Variants in CACNA1D observed in about 807,000 individuals in gnomAD.
CACNA1D encodes voltage-dependent L-type calcium channel subunit alpha-1D.
Under a neutral mutation model 257.1 loss-of-function variants are expected in CACNA1D, and 55 were observed. The ratio of observed to expected loss-of-function variants is 0.21; its 90% confidence interval spans 0.17 to 0.27. CACNA1D has a LOEUF of 0.27. Among genes scored for constraint, CACNA1D ranks in the 10% least tolerant of loss-of-function variants. CACNA1D has a pLI of 1.00. For synonymous variants in CACNA1D, 980 were observed against 1,014.9 expected (o/e 0.97, Z 0.65); for missense variants, 1,876 against 2,784.0 (o/e 0.67, Z 7.34).
chr3:53,763,310 A>T (rs1357996156), intron 30 of CACNA1D, among the ~76,000 whole-genome samples: 1 of 152,204 alleles, frequency 6.6e-6, no homozygotes, highest in African/African-American at 2.4e-5. Flanking sequence ...GGCATTGTAG[A>T]TGGAGTGAAC....
chr3:53,592,677 C>G (rs1422105654), intron 3 of CACNA1D, among the ~76,000 whole-genome samples: 3 of 151,206 alleles, frequency 2.0e-5, no homozygotes, highest in Non-Finnish European at 4.4e-5. Context: ...GTGTTCTGAA[C>G]TGTAGCATCC....
chr3:53,782,859 T>A (rs752241183), intron 39 of CACNA1D: 4 of 152,152 alleles, frequency 2.6e-5, no homozygotes, highest in African/African-American at 9.7e-5. Context: ...TTAAAACAAC[T>A]CCTTGGTTTT....
chr3:53,751,030 G>A lies in CACNA1D; in HGVS notation c.3517-719G>A, dbSNP rs560091644. Among the ~76,000 whole-genome samples the A allele has an allele frequency of 2.6e-5, 4 of 150,966 alleles. No individual in the cohort carries two copies. Among genetic ancestry groups the A allele is most frequent in the African/African-American group, 7.4e-5 (3 of 40,386 alleles). Reference sequence around the variant, plus strand: ...ACTGCGTCCAATCAATCCAGCTGTCGCTACAGTGCTCCAGCTGGGCCCCAA... The same window carrying A: ...ACTGCGTCCAATCAATCCAGCTGTCACTACAGTGCTCCAGCTGGGCCCCAA... On this transcript the variant is annotated intron_variant, in intron 27 of 47. Coordinates refer to ENST00000350061, the MANE Select transcript of CACNA1D (RefSeq NM_001128840.3). This position sits in a 1 kb window ranked among gnomAD's most constrained non-coding sequence, Gnocchi z 4.3.
chr3:53,522,114 T>A (rs995915452), intron 3 of CACNA1D, among the ~76,000 whole-genome samples: 3 of 152,086 alleles, frequency 2.0e-5, no homozygotes, highest in African/African-American at 7.2e-5. Flanking sequence ...CTAGCCTGAG[T>A]GACAGAGCGA....
At chr3:53,745,583 A>G in intron 23 of CACNA1D, 41 bp from the exon 24 acceptor site, 1 of 1,393,914 alleles carries the variant, frequency 7.2e-7, no homozygotes, top group Non-Finnish European at 1.0e-6. Context: ...CTCAAGGCCA[A>G]AATCACAAAG....
chr3:53,738,799 A>G (rs2095085077), intron 20 of CACNA1D, among the ~76,000 whole-genome samples: 1 of 152,006 alleles, frequency 6.6e-6, no homozygotes, highest in African/African-American at 2.4e-5. Flanking sequence ...AGTGAGGGAA[A>G]AAAACAGCTT....
At chr3:53,510,426 A>G (rs372513642) in intron 3 of CACNA1D, among the ~76,000 whole-genome samples, 38 of 152,346 alleles carry the variant, frequency 2.5e-4, no homozygotes, top group African/African-American at 8.9e-4. Context: ...AAAATATTCC[A>G]TGTATGAATG....
At chr3:53,755,841 C>T (rs187925839) in intron 29 of CACNA1D, among the ~76,000 whole-genome samples, 188 of 152,188 alleles carry the variant, frequency 1.2e-3, no homozygotes, top group African/African-American at 3.7e-3. Flanking sequence ...GTTCACAAGC[C>T]CAGCCCGAGC....
intron 30 of CACNA1D, among the ~76,000 whole-genome samples, chr3:53,763,372 C>T (rs530327848): frequency 1.1e-4 from 16 of 152,336 alleles, no homozygotes; most frequent in African/African-American, 3.6e-4. Context: ...AATTAAGAAG[C>T]GTGAGAAAGG....
At chr3:53,548,264 ATACCT>A (rs1489874055) in intron 3 of CACNA1D, among the ~76,000 whole-genome samples, 1 of 151,908 alleles carries the variant, frequency 6.6e-6, no homozygotes, top group African/African-American at 2.4e-5. Flanking sequence ...AGAAGAAAAC[ATACCT>A]TGGCTTTGCA....
At chr3:53,709,822 C>G (rs982985848) in intron 9 of CACNA1D, among the ~76,000 whole-genome samples, 1 of 152,198 alleles carries the variant, frequency 6.6e-6, no homozygotes, top group African/African-American at 2.4e-5. Flanking sequence ...ATTACTGTCT[C>G]CACTGTTCAC....
intron 3 of CACNA1D, among the ~76,000 whole-genome samples, chr3:53,550,393 C>A (rs2092506802): frequency 6.6e-6 from 1 of 152,206 alleles, no homozygotes. Flanking sequence ...TCCCTCAGCA[C>A]CATCTCGCAG....
chr3:53,689,157 A>G (rs922498319), intron 8 of CACNA1D, among the ~76,000 whole-genome samples: 1 of 152,130 alleles, frequency 6.6e-6, no homozygotes, highest in Non-Finnish European at 1.5e-5. Flanking sequence ...CCAGTTGGGC[A>G]TTGAAGGATG....
At chr3:53,802,596 A>G (rs2095541833) in intron 43 of CACNA1D, among the ~76,000 whole-genome samples, 1 of 152,246 alleles carries the variant, frequency 6.6e-6, no homozygotes, top group Non-Finnish European at 1.5e-5. Context: ...TTTTCCCTGT[A>G]GCCCTCAAGA....
chr3:53,538,436 C>T (rs1258005984), intron 3 of CACNA1D, among the ~76,000 whole-genome samples: 3 of 152,256 alleles, frequency 2.0e-5, no homozygotes, highest in South Asian at 2.1e-4. Context: ...GGATTACAGG[C>T]GTGAGCCACA....
At chr3:53,743,810 A>G (rs976773424) in intron 22 of CACNA1D, among the ~76,000 whole-genome samples, 1 of 152,082 alleles carries the variant, frequency 6.6e-6, no homozygotes, top group Non-Finnish European at 1.5e-5. Flanking sequence ...CCCCTGTATG[A>G]GCACACATGC....
chr3:53,799,583 G>A (rs895483599), intron 40 of CACNA1D, among the ~76,000 whole-genome samples: 1 of 152,250 alleles, frequency 6.6e-6, no homozygotes, highest in Non-Finnish European at 1.5e-5. Flanking sequence ...CGGACCCCCT[G>A]TTGGTGAGTT....
intron 5 of CACNA1D, among the ~76,000 whole-genome samples, chr3:53,661,645 A>G (rs1017862350): frequency 6.6e-6 from 1 of 152,172 alleles, no homozygotes; most frequent in African/African-American, 2.4e-5. Flanking sequence ...CAGCCTGTCT[A>G]TGGTATGTGT....
chr3:53,802,078 A>T, intron 42 of CACNA1D, 69 bp from the exon 43 acceptor site: 3 of 1,332,932 alleles, frequency 2.3e-6, no homozygotes, highest in Non-Finnish European at 3.2e-6. Flanking sequence ...TGATGTTTGC[A>T]TTGTAAATTT....
Sources: allele counts gnomAD v4.1 joint callset (sites outside exome capture counted in the v4.1 genomes callset), GRCh38; gene constraint gnomAD v4.1.1; non-coding constraint Gnocchi (gnomAD v3.1); transcripts MANE v1.5; gene names NCBI Gene and HGNC (gene_info 2026-07-23, HGNC 2026-07-21).